Variants in PHLPP2 observed in about 807,000 individuals in gnomAD.
The protein encoded by PHLPP2 is PH domain and leucine rich repeat protein phosphatase 2.
In PHLPP2, 66 loss-of-function variants were observed where a neutral mutation model predicts 124.9. The ratio of observed to expected loss-of-function variants is 0.53; its 90% CI spans 0.43 to 0.65. The LOEUF is 0.65. Ranked by LOEUF, PHLPP2 falls within the 30% of genes least tolerant of loss-of-function variation. PHLPP2 has a pLI of 0.00. For synonymous variants in PHLPP2, 681 were observed against 624.7 expected (o/e 1.09, Z -1.34); for missense variants, 1,685 against 1,600.4 (o/e 1.05, Z -0.90).
chr16:71,676,180 T>C (rs1331005017), intron 9 of PHLPP2, among the ~76,000 whole-genome samples: 1 of 152,204 alleles, frequency 6.6e-6, no homozygotes, highest in Admixed American at 6.5e-5. Context: ...GTTTTGAACA[T>C]GCTTGCCCAC....
chr16:71,657,759 G>T (rs778121324), intron 15 of PHLPP2, among the ~76,000 whole-genome samples: 3 of 152,172 alleles, frequency 2.0e-5, no homozygotes, highest in Non-Finnish European at 4.4e-5. Context: ...AGAGACTGAT[G>T]AAAGTAGTAT....
rs866442004 is a variant in PHLPP2 at position 71,714,420 on chromosome 16, G to A, written c.284+92C>T. ...TGAGTCCGTAATCAACATCAGTTCC[G>A]GCAGAATTAAAATCCTAAAGTCCAG... On this transcript the variant is annotated intron_variant, in intron 2 of 18. Transcript: ENST00000568954. The A allele has an allele frequency of 5.6e-5, 80 of 1,418,884 alleles. 2 individuals are homozygous for A. Among genetic ancestry groups the A allele is most frequent in the Middle Eastern group, 5.0e-4 (2 of 3,986 alleles). The allele number at this position is 1,418,884 out of a possible 1,614,324, so 87.9% of individuals were successfully genotyped here.
chr16:71,651,677 A>G (rs979915669), intron 18 of PHLPP2, among the ~76,000 whole-genome samples: 2 of 152,194 alleles, frequency 1.3e-5, no homozygotes, highest in Admixed American at 6.5e-5. Flanking sequence ...ATGGTTTTTG[A>G]TTTTGTTTCC....
chr16:71,711,678 A>T (rs1174049061), intron 2 of PHLPP2, among the ~76,000 whole-genome samples: 1 of 152,220 alleles, frequency 6.6e-6, no homozygotes, highest in East Asian at 1.9e-4. Context: ...ATAAGCATTG[A>T]TTATCATTTC....
intron 3 of PHLPP2, among the ~76,000 whole-genome samples, chr16:71,692,347 G>A (rs1449602947): frequency 6.6e-6 from 1 of 152,142 alleles, no homozygotes. Flanking sequence ...GGGATTACAA[G>A]TGTGAGCCAC....
At chr16:71,672,182 G>T in intron 10 of PHLPP2, 80 bp downstream of exon 10, 1 of 943,414 alleles carries the variant, frequency 1.1e-6, no homozygotes, top group Non-Finnish European at 1.7e-6. Flanking sequence ...TAGATTTCTT[G>T]TACATCAAAA....
intron 9 of PHLPP2, among the ~76,000 whole-genome samples, chr16:71,674,964 T>G (rs1430710391): frequency 3.9e-5 from 6 of 152,216 alleles, no homozygotes; most frequent in Non-Finnish European, 1.5e-5. Context: ...GCAACTGCAC[T>G]CCAGCCTGGG....
rs151068287 is a variant in PHLPP2, at chr16:71,652,873, C to G, written c.2734G>C (p.Val912Leu). 1.9e-6 allele frequency: 3 copies of G among 1,614,052 alleles called. No individual in the cohort carries two copies. Among genetic ancestry groups the G allele is most frequent in the African/African-American group, 1.3e-5 (1 of 74,922 alleles). ...AGGCTGAAGACTTTAGAGAGGGGCA[C>G]TGGCTTCCCACCTCGGCACAGGACT... ...QAVLCRGGKP[V>L]PLSKVFSLEQ... The change falls in exon 18 of 19, where the codon GTG (valine) becomes CTG (leucine). Residue 912 changes from valine to leucine, a missense_variant. By Grantham distance (32) the Val-to-Leu change is conservative (BLOSUM62 1). Transcript: ENST00000568954.
At position 71,664,089 on chromosome 16, in the gene PHLPP2, A is replaced by G; in HGVS notation, c.1795T>C (p.Leu599=). The G allele has an allele frequency of 6.2e-7, 1 of 1,609,340 alleles. No homozygotes were observed. Among genetic ancestry groups the G allele is most frequent in the South Asian group, 1.1e-5 (1 of 90,986 alleles). Reference sequence around the variant, plus strand: ...TCCAGACTATTTGCAGATGCATTCAAGTATCTGAGACTGACAGAACACACA... The same window carrying G: ...TCCAGACTATTTGCAGATGCATTCAGGTATCTGAGACTGACAGAACACACA... The part of the protein sequence containing the change: ...LFSKALNLRY[L]NASANSLESL... The change falls in exon 13 of 19, where the codon TTG becomes CTG. Residue 599 remains leucine (L), a synonymous_variant. Coordinates refer to ENST00000568954, the MANE Select transcript of PHLPP2 (RefSeq NM_015020.3).
chr16:71,707,808 C>G (rs2045288724), intron 2 of PHLPP2, among the ~76,000 whole-genome samples: 1 of 152,176 alleles, frequency 6.6e-6, no homozygotes, highest in Non-Finnish European at 1.5e-5. Context: ...TGAGTTCTGC[C>G]AAGTTCTTCC....
At chr16:71,675,676 G>C (rs7187877) in intron 9 of PHLPP2, among the ~76,000 whole-genome samples, 69,390 of 152,012 alleles carry the variant, frequency 0.46, 16,375 homozygotes, top group Middle Eastern at 0.63. Flanking sequence ...CAGAAACATA[G>C]AAACTTGAAT....
intron 13 of PHLPP2, 120 bp downstream of exon 13, chr16:71,663,779 A>T: frequency 1.3e-6 from 1 of 763,402 alleles, no homozygotes; most frequent in Non-Finnish European, 2.2e-6. Context: ...TAGTGAAATC[A>T]TAGCATCTGT....
At chr16:71,674,792 T>C (rs2044930607) in intron 9 of PHLPP2, among the ~76,000 whole-genome samples, 1 of 151,422 alleles carries the variant, frequency 6.6e-6, no homozygotes, top group Non-Finnish European at 1.5e-5. Context: ...AGGTTAGGAG[T>C]TCAAGAACAG....
intron 4 of PHLPP2, 32 bp from the exon 5 acceptor site, chr16:71,684,633 ACT>A: frequency 6.4e-7 from 1 of 1,556,434 alleles, no homozygotes; most frequent in Admixed American, 2.1e-5. Context: ...AACCAGAACC[ACT>A]AAAAAAAAAA....
intron 1 of PHLPP2, among the ~76,000 whole-genome samples, chr16:71,718,376 G>C (rs1037727950): frequency 2.0e-5 from 3 of 151,860 alleles, no homozygotes; most frequent in Admixed American, 6.6e-5. Flanking sequence ...TCAGGAGTTC[G>C]AGACCAGCCT....
intron 4 of PHLPP2, among the ~76,000 whole-genome samples, chr16:71,688,441 T>C (rs961745648): frequency 1.3e-5 from 2 of 152,328 alleles, no homozygotes; most frequent in Non-Finnish European, 2.9e-5. Context: ...GATATTCTTA[T>C]TTCTGAATTT....
chr16:71,674,254 T>A (rs1044533247), intron 9 of PHLPP2, among the ~76,000 whole-genome samples: 10 of 152,090 alleles, frequency 6.6e-5, no homozygotes, highest in African/African-American at 2.4e-4. Flanking sequence ...ATTTTTTGTA[T>A]TTTTAGTAGA....
intron 12 of PHLPP2, 38 bp downstream of exon 12, chr16:71,667,140 T>C (rs1257974901): frequency 2.6e-6 from 4 of 1,568,218 alleles, no homozygotes; most frequent in African/African-American, 1.4e-5. Flanking sequence ...GTTTAGCCAA[T>C]GATTCTGCTC....
intron 1 of PHLPP2, among the ~76,000 whole-genome samples, chr16:71,716,061 A>C (rs1281225325): frequency 1.3e-5 from 2 of 152,042 alleles, no homozygotes; most frequent in Admixed American, 6.6e-5. Flanking sequence ...AACTTCATCT[A>C]ATCCTTAACA....
Sources: allele counts gnomAD v4.1 joint callset (sites outside exome capture counted in the v4.1 genomes callset), GRCh38; gene constraint gnomAD v4.1.1; transcripts MANE v1.5; gene names NCBI Gene and HGNC (gene_info 2026-07-23, HGNC 2026-07-21).